MMGT1: variants seen among roughly 807,000 people sequenced by gnomAD.
The protein encoded by MMGT1 is membrane magnesium transporter 1, also known as ER membrane protein complex subunit 5.
In MMGT1, 2 loss-of-function variants were observed where a neutral mutation model predicts 11.7. The ratio of observed to expected loss-of-function variants is 0.17; its 90% confidence interval spans 0.07 to 0.54. The LOEUF is 0.54. MMGT1 is among the 20% of genes least tolerant of loss of function. The probability of loss-of-function intolerance (pLI) is 0.94; values close to 1 mark genes in which losing one functional copy is unlikely to be tolerated. For missense variants in MMGT1, 74 were observed against 109.0 expected (o/e 0.68, Z 1.43); for synonymous variants, 49 against 44.4 (o/e 1.10, Z -0.41).
rs373171936 is a variant in MMGT1, at chrX:135,973,586, C to T, written c.79+11G>A. The T allele has an allele frequency of 8.6e-7, 1 of 1,159,861 alleles. No homozygotes were observed. The highest frequency in any genetic ancestry group is 1.8e-5 in the African/African-American group (1 of 55,841). ...CCACACCGAAGCGGTCCCCGTGCCC[C>T]AGGCACTTACGCTGCGCAGCGGAAA... is the stretch of plus-strand genomic sequence containing the variant. On this transcript the variant is annotated intron_variant, in intron 1 of 3. Coordinates refer to ENST00000305963, the MANE Select transcript of MMGT1 (RefSeq NM_173470.3).
At chrX:135,970,516 C>G (rs1045691958) in intron 2 of MMGT1, among the ~76,000 whole-genome samples, 6 of 112,440 alleles carry the variant, frequency 5.3e-5, no homozygotes, top group African/African-American at 1.9e-4. Flanking sequence ...CCATCCCATA[C>G]TATGGACAGA....
rs2089157029 is a variant in MMGT1 at position 135,961,820 on chromosome X, T to C, written c.*3204A>G. On this transcript the variant is annotated 3_prime_UTR_variant, in exon 4 of 4. Coordinates refer to ENST00000305963, the MANE Select transcript of MMGT1 (RefSeq NM_173470.3). The stretch of plus-strand genomic sequence containing the variant: ...GACACTGCTGCTCAAGAACCCATTT[T>C]TACACCCCAAAGGGCATTTGATGAT... Among the ~76,000 whole-genome samples the C allele has an allele frequency of 9.0e-6, 1 of 111,567 alleles. No individual in the cohort carries two copies. The highest frequency in any genetic ancestry group is 3.7e-4 in the South Asian group (1 of 2,710).
At chrX:135,970,258 T>C (rs2089209881) in intron 2 of MMGT1, among the ~76,000 whole-genome samples, 1 of 109,609 alleles carries the variant, frequency 9.1e-6, no homozygotes, top group African/African-American at 3.3e-5. Flanking sequence ...TCCCAGCTAC[T>C]TGGGAGGCTG....
At position 135,973,578 on chromosome X, in the gene MMGT1, C is replaced by T. The variant is rs1301273796; in HGVS notation, c.79+19G>A. ...CTAGGGTTCCACACCGAAGCGGTCC[C>T]CGTGCCCCAGGCACTTACGCTGCGC... On this transcript the variant is annotated intron_variant, in intron 1 of 3. Transcript: ENST00000305963. 1 of 1,155,446 alleles carries T rather than the reference C, an allele frequency of 8.7e-7. No individual in the cohort carries two copies. The highest frequency in any genetic ancestry group is 1.2e-6 in the Non-Finnish European group (1 of 862,620).
intron 3 of MMGT1, 126 bp from the exon 4 acceptor site, chrX:135,965,309 A>G (rs1242092315): frequency 1.1e-5 from 5 of 455,649 alleles, no homozygotes; most frequent in Non-Finnish European, 1.8e-5. Context: ...TTAATACATG[A>G]AATCAGACTG....
At chrX:135,971,173 A>G in intron 1 of MMGT1, 63 bp from the exon 2 acceptor site, 1 of 800,452 alleles carries the variant, frequency 1.2e-6, no homozygotes, top group Non-Finnish European at 1.9e-6. Flanking sequence ...AAAATGAAGC[A>G]AATCAATATA....
chrX:135,965,704 T>C (rs894635332), intron 3 of MMGT1, among the ~76,000 whole-genome samples: 1 of 111,740 alleles, frequency 8.9e-6, no homozygotes, highest in Non-Finnish European at 1.9e-5. Context: ...ATGCCCGGCT[T>C]CTAATATTTT....
At chrX:135,969,408 C>T (rs1453008641) in intron 2 of MMGT1, among the ~76,000 whole-genome samples, 9 of 104,583 alleles carry the variant, frequency 8.6e-5, no homozygotes, top group Admixed American at 3.0e-4. Context: ...TGCATGATCT[C>T]GGCTCACTGC....
Position 135,964,852 on chromosome X carries a change from C to T in MMGT1, c.*172G>A, listed in dbSNP as rs1479922272. On this transcript the variant is annotated 3_prime_UTR_variant, in exon 4 of 4. Transcript: ENST00000305963. The stretch of plus-strand genomic sequence containing the variant: ...AGACTCATTTCACATATAACTTACA[C>T]TGCATTAATGATTGGATTAACAGTA... 4 of 371,557 alleles carry T rather than the reference C, an allele frequency of 1.1e-5. No homozygotes were observed. Among genetic ancestry groups the T allele is most frequent in the African/African-American group, 1.0e-4 (4 of 39,558 alleles). 30.6% of individuals were successfully genotyped at this position (371,557 alleles called of 1,213,427 possible). A position where few individuals can be genotyped will look rare whatever the true frequency, so the allele number is the denominator to read the frequency against.
rs1364040059 is a variant in MMGT1, at chrX:135,963,418, G to A, written c.*1606C>T. The A allele has an allele frequency of 1.8e-5, 2 of 111,900 alleles. No homozygotes were observed. The highest frequency in any genetic ancestry group is 3.8e-5 in the Non-Finnish European group (2 of 53,169). 9.2% of individuals were successfully genotyped at this position (111,900 alleles called of 1,213,427 possible). A position where few individuals can be genotyped will look rare whatever the true frequency, so the allele number is the denominator to read the frequency against. On this transcript the variant is annotated 3_prime_UTR_variant, in exon 4 of 4. Coordinates refer to ENST00000305963, the MANE Select transcript of MMGT1 (RefSeq NM_173470.3). ...AAGAAAACAGTAGCCAAGTCTGATG[G>A]AAGGAGCTTGTTTCTTGCATGCTAT...
chrX:135,961,143 G>C lies in MMGT1; in HGVS notation c.*3881C>G, dbSNP rs1425026185. ...GAATAAAAACTCATTATATGTACAA[G>C]TATATTCACCACAATGTGATTTAAT... is the stretch of plus-strand genomic sequence containing the variant. On this transcript the variant is annotated 3_prime_UTR_variant, in exon 4 of 4. Transcript: ENST00000305963. 1.8e-5 allele frequency among the ~76,000 whole-genome samples: 2 copies of C among 111,627 alleles called. No homozygotes were observed. Among genetic ancestry groups the C allele is most frequent in the Non-Finnish European group, 3.8e-5 (2 of 53,048 alleles).
chrX:135,971,123 A>G lies in MMGT1; in HGVS notation c.80-13T>C, dbSNP rs1556612558. ...ATATAAGAACGATCTATAAACCAGA[A>G]GCATACCATTAAGGAAACTGTAGTT... On this transcript the variant is annotated splice_polypyrimidine_tract_variant and intron_variant, in intron 1 of 3. Transcript: ENST00000305963. 1 of 1,128,727 alleles carries G rather than the reference A, an allele frequency of 8.9e-7. No individual in the cohort carries two copies. The allele number at this position is 1,128,727 out of a possible 1,213,427, so 93.0% of individuals were successfully genotyped here.
At chrX:135,970,900 C>T (rs781999470) in intron 2 of MMGT1, among the ~76,000 whole-genome samples, 158 bp downstream of exon 2, 1 of 111,066 alleles carries the variant, frequency 9.0e-6, no homozygotes, top group African/African-American at 3.3e-5. Context: ...CAGAGTGAGA[C>T]TCCGTCTCAA....
intron 3 of MMGT1, among the ~76,000 whole-genome samples, chrX:135,966,179 A>G (rs1297323737): frequency 8.9e-6 from 1 of 112,053 alleles, no homozygotes; most frequent in African/African-American, 3.2e-5. Flanking sequence ...TTGTTTTTCA[A>G]TATTATTTTC....
chrX:135,971,978 T>C (rs2089222408), intron 1 of MMGT1, among the ~76,000 whole-genome samples: 1 of 112,215 alleles, frequency 8.9e-6, no homozygotes, highest in African/African-American at 3.2e-5. Context: ...ATTTTTTTCA[T>C]TACCTGAATT....
intron 1 of MMGT1, 127 bp downstream of exon 1, chrX:135,973,470 C>T (rs2089232228): frequency 3.6e-6 from 2 of 551,901 alleles, no homozygotes; most frequent in African/African-American, 4.7e-5. Context: ...TTTTCTTAGT[C>T]ACCCCAAACT....
intron 2 of MMGT1, among the ~76,000 whole-genome samples, chrX:135,970,460 A>G (rs1364558533): frequency 8.9e-6 from 1 of 112,554 alleles, no homozygotes; most frequent in Non-Finnish European, 1.9e-5. Context: ...CTTACATAAA[A>G]ATGAACTTTT....
chrX:135,967,042 G>A (rs1244939267), intron 3 of MMGT1, among the ~76,000 whole-genome samples: 5 of 108,260 alleles, frequency 4.6e-5, no homozygotes, highest in African/African-American at 1.7e-4. Context: ...AGGAGTGAAA[G>A]GGGGAAGGGA....
chrX:135,972,958 TC>T (rs782654128), intron 1 of MMGT1, among the ~76,000 whole-genome samples: 35 of 112,277 alleles, frequency 3.1e-4, no homozygotes, highest in Non-Finnish European at 5.3e-4. Flanking sequence ...CCACTTGTTT[TC>T]CTTTAGACTT....
Sources: allele counts gnomAD v4.1 joint callset (sites outside exome capture counted in the v4.1 genomes callset), GRCh38; gene constraint gnomAD v4.1.1; transcripts MANE v1.5; gene names NCBI Gene and HGNC (gene_info 2026-07-23, HGNC 2026-07-21).